The following ELP4 variants were observed in gnomAD, a reference collection of about 807,000 sequenced individuals.
ELP4 encodes the protein elongator complex protein 4.
In ELP4, 51 loss-of-function variants were observed where a neutral mutation model predicts 48.9. The ratio of observed to expected loss-of-function variants is 1.04; its 90% CI spans 0.83 to 1.32. The LOEUF (loss-of-function observed/expected upper bound fraction) is 1.32. Among genes scored for constraint, ELP4 ranks in the 40% most tolerant of loss-of-function variants. ELP4 has a pLI of 0.00. For missense variants in ELP4, 519 were observed against 514.6 expected (o/e 1.01, Z -0.08); for synonymous variants, 210 against 189.2 (o/e 1.11, Z -0.90).
chr11:31,522,875 T>TTTTG (rs1956237475), intron 2 of ELP4, among the ~76,000 whole-genome samples: 1 of 151,784 alleles, frequency 6.6e-6, no homozygotes, highest in Non-Finnish European at 1.5e-5. Flanking sequence ...TTTTTTTTTT[T>TTTTG]TAAGAGATGA....
At chr11:31,712,393 C>A (rs1308859446) in intron 9 of ELP4, among the ~76,000 whole-genome samples, 1 of 152,008 alleles carries the variant, frequency 6.6e-6, no homozygotes, top group Admixed American at 6.6e-5. Flanking sequence ...AGTAAATGAT[C>A]TCTTGTAACC....
chr11:31,771,680 C>G (rs192128891), intron 9 of ELP4, among the ~76,000 whole-genome samples: 16 of 152,284 alleles, frequency 1.1e-4, no homozygotes, highest in African/African-American at 3.8e-4. Flanking sequence ...AATCCCTTCT[C>G]AAAATTTAGG....
At chr11:31,637,280 G>GACAGACCTTTAGTTA (rs1565090687) in intron 7 of ELP4, 2 of 151,696 alleles carry the variant, frequency 1.3e-5, no homozygotes, top group Non-Finnish European at 2.9e-5. Flanking sequence ...TCAAGCAGTA[G>GACAGACCTTTAGTTA]ACAGACCTTT....
intron 3 of ELP4, among the ~76,000 whole-genome samples, chr11:31,549,645 C>G (rs530515234): frequency 6.6e-6 from 1 of 151,966 alleles, no homozygotes; most frequent in African/African-American, 2.4e-5. Flanking sequence ...GGGTATATAC[C>G]CAAAGGACTA....
intron 5 of ELP4, among the ~76,000 whole-genome samples, chr11:31,613,197 G>T (rs919022148): frequency 1.3e-5 from 2 of 152,150 alleles, no homozygotes; most frequent in Admixed American, 1.3e-4. Flanking sequence ...ATATAATGGA[G>T]TGAAAAAGCA....
chr11:31,588,566 C>T (rs1312809752), intron 3 of ELP4, among the ~76,000 whole-genome samples: 3 of 151,926 alleles, frequency 2.0e-5, no homozygotes, highest in Admixed American at 6.6e-5. Flanking sequence ...TACTTCTCCG[C>T]GTTGTTTGAA....
At chr11:31,719,749 A>G (rs1411498753) in intron 9 of ELP4, 1 of 316,044 alleles carries the variant, frequency 3.2e-6, no homozygotes, top group African/African-American at 2.1e-5. Context: ...AATGATATGC[A>G]TGCTGGAGTG....
intron 9 of ELP4, among the ~76,000 whole-genome samples, chr11:31,721,176 G>A (rs954012355): frequency 1.3e-5 from 2 of 152,154 alleles, no homozygotes; most frequent in Non-Finnish European, 2.9e-5. Context: ...CTGGAAAGAT[G>A]TACTTTTGAG....
intron 9 of ELP4, among the ~76,000 whole-genome samples, chr11:31,671,004 C>T (rs981883583): frequency 3.3e-5 from 5 of 151,650 alleles, no homozygotes; most frequent in African/African-American, 1.2e-4. Flanking sequence ...TTGTGTAATG[C>T]TGTAATAACA....
intron 9 of ELP4, among the ~76,000 whole-genome samples, chr11:31,693,967 G>C (rs1946340855): frequency 6.6e-6 from 1 of 152,306 alleles, no homozygotes; most frequent in East Asian, 1.9e-4. Flanking sequence ...CTTCTTTTGA[G>C]AAGTGTCTGT....
intron 9 of ELP4, among the ~76,000 whole-genome samples, chr11:31,707,683 G>C (rs1211450661): frequency 6.6e-6 from 1 of 151,966 alleles, no homozygotes; most frequent in Non-Finnish European, 1.5e-5. Flanking sequence ...TATAATTCTA[G>C]AGGTCAGAGG....
rs570116826 is a variant in ELP4 at position 31,627,097 on chromosome 11, C to A, written c.654-13C>A. ...ACCCATTTATGTATTTGAACCACTT[C>A]TTTTACCAACAGTTCTTTGACCCCT... On this transcript the variant is annotated splice_polypyrimidine_tract_variant and intron_variant, in intron 5 of 9. Coordinates refer to ENST00000640961, the MANE Select transcript of ELP4 (RefSeq NM_019040.5). 10 of 1,572,964 alleles carry A rather than the reference C, an allele frequency of 6.4e-6. No individual in the cohort carries two copies. In the South Asian group the frequency reaches 9.0e-5, roughly 14 times the overall value.
intron 9 of ELP4, among the ~76,000 whole-genome samples, chr11:31,695,814 G>A (rs188926462): frequency 0.92 from 98,089 of 106,666 alleles, 45,853 homozygotes; most frequent in Non-Finnish European, 1. Context: ...TTTTTGGTTG[G>A]TAAGCTATTG....
chr11:31,577,315 T>C (rs1957302115), intron 3 of ELP4, among the ~76,000 whole-genome samples: 2 of 152,040 alleles, frequency 1.3e-5, no homozygotes, highest in African/African-American at 4.8e-5. Flanking sequence ...CCAAAAAAAG[T>C]CCAGGACCCG....
intron 7 of ELP4, among the ~76,000 whole-genome samples, chr11:31,635,219 G>T (rs553551962): frequency 6.6e-6 from 1 of 151,982 alleles, no homozygotes; most frequent in Non-Finnish European, 1.5e-5. Flanking sequence ...ATTGCAAGCA[G>T]TATGCTTAGA....
At chr11:31,594,613 T>C (rs1006005985) in intron 3 of ELP4, among the ~76,000 whole-genome samples, 157 bp from the exon 4 acceptor site, 6 of 152,096 alleles carry the variant, frequency 3.9e-5, no homozygotes, top group African/African-American at 1.4e-4. Flanking sequence ...GTTTTCTCTG[T>C]TTTAGAAATG....
rs549597473 is a variant in ELP4, at chr11:31,576,683, G to A, written c.382-18087G>A. Among the ~76,000 whole-genome samples, 5 of 152,270 alleles carry A rather than the reference G, an allele frequency of 3.3e-5. No homozygotes were observed. In the South Asian group the frequency reaches 1.0e-3, roughly 32 times the overall value. On this transcript the variant is annotated intron_variant, in intron 3 of 9. Transcript: ENST00000640961. ...TATGGAAACTGAACAACCTGCTCCT[G>A]AATGACTACTGGGTACATAACGAAA...
At chr11:31,749,753 T>C (rs1167605631) in intron 9 of ELP4, among the ~76,000 whole-genome samples, 26 of 152,030 alleles carry the variant, frequency 1.7e-4, no homozygotes, top group Admixed American at 1.7e-3. Context: ...TTCCTGTAAC[T>C]AGAAAATAAA....
At chr11:31,623,390 T>TATATAAAA (rs67986763) in intron 5 of ELP4, among the ~76,000 whole-genome samples, 12 of 92,580 alleles carry the variant, frequency 1.3e-4, no homozygotes, top group Middle Eastern at 8.6e-3. Context: ...TATATATATA[T>TATATAAAA]AAAACTAGAA....
Sources: gnomAD v4.1 joint callset for allele counts (sites outside exome capture counted in the v4.1 genomes callset) on GRCh38, gnomAD v4.1.1 for gene constraint, MANE v1.5 for transcripts, NCBI Gene and HGNC (gene_info 2026-07-23, HGNC 2026-07-21) for gene names.